BCL11B: variants seen among roughly 807,000 people sequenced by gnomAD.
The protein encoded by BCL11B is B-cell lymphoma/leukemia 11B.
BCL11B carries 8 observed loss-of-function variants against 49.9 expected under a neutral mutation model. The ratio of observed to expected loss-of-function variants is 0.16; its 90% CI spans 0.09 to 0.29. The LOEUF is 0.29. Ranked by LOEUF, BCL11B falls within the 10% of genes least tolerant of loss-of-function variation. BCL11B has a pLI of 1.00. For missense variants in BCL11B, 1,006 were observed against 1,351.0 expected (o/e 0.74, Z 4.00); for synonymous variants, 739 against 637.4 (o/e 1.16, Z -2.40).
At chr14:99,246,617 CGCGGAGCTCTGCGCCCCT>C (rs1888849059) in intron 2 of BCL11B, among the ~76,000 whole-genome samples, 1 of 152,208 alleles carries the variant, frequency 6.6e-6, no homozygotes, top group South Asian at 2.1e-4. Context: ...CAGCCGCCCC[CGCGGAGCTCTGCGCCCCT>C]GGCCTCGGGG....
chr14:99,256,534 T>C (rs563292165), intron 2 of BCL11B, among the ~76,000 whole-genome samples: 40 of 152,206 alleles, frequency 2.6e-4, no homozygotes, highest in Admixed American at 7.9e-4. Flanking sequence ...GAACCCAGGC[T>C]GGCCAGGCCC....
intron 3 of BCL11B, among the ~76,000 whole-genome samples, chr14:99,193,690 C>A (rs537846708): frequency 1.1e-4 from 16 of 152,236 alleles, no homozygotes; most frequent in African/African-American, 3.9e-4. Context: ...ATAGAGAAAC[C>A]AACAGCCAAA....
rs116171668 is a variant in BCL11B, at chr14:99,262,694, G to A, written c.59-4855C>T. 6.6e-6 allele frequency among the ~76,000 whole-genome samples: 1 copy of A among 152,116 alleles called. No individual in the cohort carries two copies. Among genetic ancestry groups the A allele is most frequent in the African/African-American group, 2.4e-5 (1 of 41,428 alleles). On this transcript the variant is annotated intron_variant, in intron 1 of 3. Transcript: ENST00000357195. The surrounding 1 kb of genome is among the most constrained non-coding windows in gnomAD (Gnocchi z 4.2). ...GAGCCCATGCTTACCCATAATCTACGAAGAGATCTTTTCATCTCCTCTCCG... is the reference window on the plus strand; with the variant it reads ...GAGCCCATGCTTACCCATAATCTACAAAGAGATCTTTTCATCTCCTCTCCG...
chr14:99,258,782 A>G (rs1402351303), intron 1 of BCL11B, among the ~76,000 whole-genome samples: 2 of 152,220 alleles, frequency 1.3e-5, no homozygotes, highest in Non-Finnish European at 2.9e-5. Context: ...CAGAAAAATG[A>G]AAGAAAGAAA....
chr14:99,188,463 T>C (rs1208482320), intron 3 of BCL11B, among the ~76,000 whole-genome samples: 2 of 152,120 alleles, frequency 1.3e-5, no homozygotes, highest in Non-Finnish European at 2.9e-5. Context: ...CTTTTCCTTC[T>C]TTTTTCTTTT....
intron 3 of BCL11B, among the ~76,000 whole-genome samples, chr14:99,223,699 G>A (rs1445260565): frequency 6.6e-6 from 1 of 152,182 alleles, no homozygotes. Context: ...GATAAAATGA[G>A]AGTCAAAAAC....
In BCL11B at chr14:99,171,553, A is replaced by G. The variant is rs1024564526; in HGVS notation, c.*2598T>C. On this transcript the variant is annotated 3_prime_UTR_variant, in exon 4 of 4. Coordinates refer to ENST00000357195, the MANE Select transcript of BCL11B (RefSeq NM_138576.4). ...GTGCCTACATCATATGAACCAACCA[A>G]TATATCCATTCCAGAGGGAGGCGGG... 3.8e-5 allele frequency: 8 copies of G among 212,774 alleles called. No individual in the cohort carries two copies. Among genetic ancestry groups the G allele is most frequent in the Non-Finnish European group, 7.6e-5 (8 of 104,892 alleles). The allele number at this position is 212,774 out of a possible 1,614,324, so 13.2% of individuals were successfully genotyped here.
At position 99,175,448 on chromosome 14, in the gene BCL11B, G is replaced by T. The variant is rs1204240249; in HGVS notation, c.1388C>A (p.Ala463Glu). 1 of 1,611,296 alleles carries T rather than the reference G, an allele frequency of 6.2e-7. No individual in the cohort carries two copies. The highest frequency in any genetic ancestry group is 8.5e-7 in the Non-Finnish European group (1 of 1,178,768). ...KPYKCQLCDH[A>E]CSQASKLKRH... ...CTTGAGCTTGCTGGCCTGCGAGCACGCGTGGTCGCACAGCTGGCACTTGTA... is the reference window on the plus strand; with the variant it reads ...CTTGAGCTTGCTGGCCTGCGAGCACTCGTGGTCGCACAGCTGGCACTTGTA... Residue 463 changes from alanine (A) to glutamate (E), a missense_variant, in exon 4 of 4, where the codon GCG (alanine) becomes GAG (glutamate). Transcript: ENST00000357195.
rs183538375 is a variant in BCL11B, at chr14:99,262,280, G to A, written c.59-4441C>T. Among the ~76,000 whole-genome samples, 483 of 152,328 alleles carry A rather than the reference G, an allele frequency of 3.2e-3. No homozygotes were observed. The highest frequency in any genetic ancestry group is 0.01 in the African/African-American group (436 of 41,572). On this transcript the variant is annotated intron_variant, in intron 1 of 3. Coordinates refer to ENST00000357195, the MANE Select transcript of BCL11B (RefSeq NM_138576.4). The surrounding 1 kb of genome is among the most constrained non-coding windows in gnomAD (Gnocchi z 4.2). ...ACCTGCCCTTAGGGGAACTCCAGCC[G>A]AGAGGTCTGCTGCCTGCTGTCCCCA...
rs1196005603 is a variant in BCL11B, at chr14:99,206,789, G to GA, written c.640+24555dup. ...CATAGGTATGTGTGTATAGGAAAAA[G>GA]AACACAGTACAACAGGGTTCACTAC... On this transcript the variant is annotated intron_variant, in intron 3 of 3. Transcript: ENST00000357195. Among the ~76,000 whole-genome samples, 5 of 152,284 alleles carry GA rather than the reference G, an allele frequency of 3.3e-5. No individual in the cohort carries two copies. The South Asian group carries it at 1.0e-3, about 32-fold the overall frequency.
At chr14:99,252,499 C>T (rs1197430442) in intron 2 of BCL11B, among the ~76,000 whole-genome samples, 1 of 152,224 alleles carries the variant, frequency 6.6e-6, no homozygotes, top group African/African-American at 2.4e-5. Context: ...TTCTCTCACA[C>T]ATTTTGCTTA....
At chr14:99,206,254 G>T (rs1411735254) in intron 3 of BCL11B, among the ~76,000 whole-genome samples, 1 of 152,182 alleles carries the variant, frequency 6.6e-6, no homozygotes, top group Non-Finnish European at 1.5e-5. Context: ...TGTAAATAAA[G>T]TTTTATTGAA....
intron 3 of BCL11B, among the ~76,000 whole-genome samples, chr14:99,188,649 G>A (rs1886930235): frequency 6.6e-6 from 1 of 152,194 alleles, no homozygotes; most frequent in Non-Finnish European, 1.5e-5. Context: ...TCTGGGGAAG[G>A]ACAAGGCTGG....
intron 3 of BCL11B, among the ~76,000 whole-genome samples, chr14:99,223,010 A>C (rs1888057374): frequency 6.6e-6 from 1 of 152,210 alleles, no homozygotes; most frequent in Non-Finnish European, 1.5e-5. Context: ...TAGGAATATA[A>C]GTATGCACGG....
intron 3 of BCL11B, among the ~76,000 whole-genome samples, chr14:99,177,533 C>T (rs1034353959): frequency 1.3e-5 from 2 of 149,988 alleles, no homozygotes; most frequent in African/African-American, 4.9e-5. Context: ...CGTCTTGCAG[C>T]ATTGCACTCA....
Position 99,175,821 on chromosome 14 carries a change from C to T in BCL11B, c.1015G>A (p.Ala339Thr), listed in dbSNP as rs1595216473. The T allele has an allele frequency of 6.8e-7, 1 of 1,472,630 alleles. No individual in the cohort carries two copies. The highest frequency in any genetic ancestry group is 8.9e-7 in the Non-Finnish European group (1 of 1,119,112). The allele number at this position is 1,472,630 out of a possible 1,614,324, so 91.2% of individuals were successfully genotyped here. A position where few individuals can be genotyped will look rare whatever the true frequency, so the allele number is the denominator to read the frequency against. ...RLSAEEMGLV[A>T]QHPSAFDRVM... ...CGGTCGAAGGCACTGGGGTGCTGGGCGACGAGCCCCATCTCCTCGGCACTG... is the reference window on the plus strand; with the variant it reads ...CGGTCGAAGGCACTGGGGTGCTGGGTGACGAGCCCCATCTCCTCGGCACTG... Residue 339 changes from alanine (A) to threonine (T), a missense_variant, in exon 4 of 4, where the codon GCC (alanine) becomes ACC (threonine). Ala to Thr is a moderately conservative substitution (Grantham distance 58). Transcript: ENST00000357195.
intron 2 of BCL11B, among the ~76,000 whole-genome samples, chr14:99,235,430 C>G (rs750464715): frequency 6.6e-6 from 1 of 152,152 alleles, no homozygotes; most frequent in Non-Finnish European, 1.5e-5. Context: ...CCCCCCATGC[C>G]AAGACATTAA....
rs1463140573 is a variant in BCL11B, at chr14:99,257,192, A to G, written c.427+279T>C. Among the ~76,000 whole-genome samples the G allele has an allele frequency of 6.6e-6, 1 of 152,122 alleles. No homozygotes were observed. Among genetic ancestry groups the G allele is most frequent in the Non-Finnish European group, 1.5e-5 (1 of 68,020 alleles). The stretch of plus-strand genomic sequence containing the variant: ...GGGCCAACCAGACTTCCAAATTTTC[A>G]TTCTGTGCTTCTGACCACCTCTGGA... On this transcript the variant is annotated intron_variant, in intron 2 of 3. Coordinates refer to ENST00000357195, the MANE Select transcript of BCL11B (RefSeq NM_138576.4). This position sits in a 1 kb window ranked among gnomAD's most constrained non-coding sequence, Gnocchi z 6.2.
chr14:99,189,351 A>G (rs1278984329), intron 3 of BCL11B, among the ~76,000 whole-genome samples: 2 of 152,234 alleles, frequency 1.3e-5, no homozygotes, highest in Non-Finnish European at 2.9e-5. Flanking sequence ...CTAGAACATC[A>G]GAGGACTCTA....
Sources: gnomAD v4.1 joint callset for allele counts (sites outside exome capture counted in the v4.1 genomes callset) on GRCh38, gnomAD v4.1.1 for gene constraint, Gnocchi (gnomAD v3.1) non-coding constraint, MANE v1.5 for transcripts, NCBI Gene and HGNC (gene_info 2026-07-23, HGNC 2026-07-21) for gene names.